The following MID1 variants were observed in gnomAD, a reference collection of about 807,000 sequenced individuals.
MID1 encodes the protein E3 ubiquitin-protein ligase Midline-1.
A neutral mutation model predicts 40.4 loss-of-function variants in MID1; 7 were observed. That is an observed-to-expected ratio of 0.17 (90% CI 0.10 to 0.33). The LOEUF is 0.33. Among genes scored for constraint, MID1 ranks in the 10% least tolerant of loss-of-function variants. The pLI, the probability that MID1 is intolerant of heterozygous loss-of-function variation, is 1.00. For synonymous variants in MID1, 229 were observed against 221.2 expected (o/e 1.04, Z -0.31); for missense variants, 367 against 558.5 (o/e 0.66, Z 3.46).
chrX:10,704,924 C>T (rs770699407), intron 1 of MID1, among the ~76,000 whole-genome samples: 17 of 108,411 alleles, frequency 1.6e-4, no homozygotes, highest in South Asian at 1.2e-3. Context: ...CCACCACGCC[C>T]GGCTAATTTT....
chrX:10,480,217 C>A (rs771099886), intron 5 of MID1, among the ~76,000 whole-genome samples: 1 of 112,459 alleles, frequency 8.9e-6, no homozygotes, highest in African/African-American at 3.2e-5. Context: ...AAATCAAAGT[C>A]ATGTTCCTGC....
At chrX:10,539,355 G>T (rs1460253601) in intron 2 of MID1, among the ~76,000 whole-genome samples, 1 of 111,559 alleles carries the variant, frequency 9.0e-6, no homozygotes, top group Non-Finnish European at 1.9e-5. Context: ...CTATAACAAA[G>T]CTCACCTCTG....
At chrX:10,738,643 A>G (rs2043502464) in intron 1 of MID1, among the ~76,000 whole-genome samples, 1 of 110,704 alleles carries the variant, frequency 9.0e-6, no homozygotes, top group Admixed American at 9.7e-5. Context: ...CAAAGAGAGG[A>G]AGGGAGAAAC....
At chrX:10,639,058 A>G (rs913608433) in intron 1 of MID1, among the ~76,000 whole-genome samples, 7 of 112,274 alleles carry the variant, frequency 6.2e-5, no homozygotes, top group Admixed American at 1.9e-4. Flanking sequence ...ATGGGGAGAA[A>G]CCAGAGCAGA....
chrX:10,832,516 G>A (rs963459612), intron 1 of MID1, among the ~76,000 whole-genome samples: 2 of 112,055 alleles, frequency 1.8e-5, no homozygotes, highest in Admixed American at 9.5e-5. Flanking sequence ...CCAAAACTCA[G>A]GATAAAGTCT....
At chrX:10,538,052 G>C (rs1342067631) in intron 2 of MID1, among the ~76,000 whole-genome samples, 1 of 111,448 alleles carries the variant, frequency 9.0e-6, no homozygotes, top group Non-Finnish European at 1.9e-5. Flanking sequence ...GCTCACTGCA[G>C]CCTTGACCTC....
At chrX:10,496,072 T>TAA (rs201452612) in intron 3 of MID1, among the ~76,000 whole-genome samples, 74 of 111,768 alleles carry the variant, frequency 6.6e-4, no homozygotes, top group African/African-American at 2.2e-3. Context: ...AAAAGTAAGT[T>TAA]AAAAAAAATC....
intron 2 of MID1, among the ~76,000 whole-genome samples, chrX:10,553,821 C>G (rs749503066): frequency 8.9e-6 from 1 of 111,969 alleles, no homozygotes; most frequent in South Asian, 3.8e-4. Flanking sequence ...GTCACCACTT[C>G]AAAGGGAACT....
intron 9 of MID1, among the ~76,000 whole-genome samples, chrX:10,450,224 G>T (rs1010424010): frequency 8.9e-6 from 1 of 112,053 alleles, no homozygotes; most frequent in African/African-American, 3.2e-5. Context: ...AGCTGCCTGT[G>T]GCTCATAGCT....
chrX:10,736,102 C>T (rs745648897), intron 1 of MID1, among the ~76,000 whole-genome samples: 1 of 111,828 alleles, frequency 8.9e-6, no homozygotes, highest in East Asian at 2.8e-4. Flanking sequence ...CCTTAGCCTC[C>T]CCAGTAGCTG....
intron 1 of MID1, among the ~76,000 whole-genome samples, chrX:10,692,205 C>G (rs927946593): frequency 2.7e-5 from 3 of 111,325 alleles, no homozygotes; most frequent in Non-Finnish European, 5.7e-5. Flanking sequence ...TACACCCCCT[C>G]CCCTTTCAAA....
intron 1 of MID1, among the ~76,000 whole-genome samples, chrX:10,729,739 T>G (rs2043427166): frequency 8.9e-6 from 1 of 112,144 alleles, no homozygotes; most frequent in Non-Finnish European, 1.9e-5. Flanking sequence ...AGAGTAGGAC[T>G]TCTTTCATTT....
At chrX:10,680,694 T>C (rs781671099) in intron 1 of MID1, among the ~76,000 whole-genome samples, 1 of 110,964 alleles carries the variant, frequency 9.0e-6, no homozygotes, top group African/African-American at 3.3e-5. Flanking sequence ...TTCCTTAAAA[T>C]ATTCATATCC....
intron 1 of MID1, among the ~76,000 whole-genome samples, chrX:10,642,940 T>C (rs1438682736): frequency 9.0e-6 from 1 of 111,100 alleles, no homozygotes; most frequent in South Asian, 3.8e-4. Context: ...ATAAATGGTG[T>C]TGGGAAAACT....
At position 10,637,137 on chromosome X, in the gene MID1, T is replaced by A. The variant is rs776374016; in HGVS notation, c.-186-16718A>T. Among the ~76,000 whole-genome samples the A allele has an allele frequency of 3.7e-5, 4 of 109,406 alleles. No homozygotes were observed. In the South Asian group the frequency reaches 1.6e-3, roughly 44 times the overall value. ...TATCATGTCCAAAAGAGTGCTGCAA[T>A]CTTCAGCTCCCTTTCTATGAGCATA... On this transcript the variant is annotated intron_variant, in intron 1 of 10. Coordinates refer to the MID1 transcript ENST00000380785.
intron 1 of MID1, among the ~76,000 whole-genome samples, chrX:10,697,580 A>T (rs913432009): frequency 1.8e-5 from 2 of 111,593 alleles, no homozygotes; most frequent in Non-Finnish European, 3.8e-5. Flanking sequence ...AAATATCTTT[A>T]CTCATGATTC....
chrX:10,469,271 T>A (rs1337428917), intron 7 of MID1: 2 of 789,315 alleles, frequency 2.5e-6, no homozygotes, highest in Admixed American at 1.2e-4. Flanking sequence ...TTTGTAGAGA[T>A]GGGGTTTCAC....
chrX:10,504,466 G>A (rs1931723760), intron 3 of MID1, among the ~76,000 whole-genome samples: 1 of 111,461 alleles, frequency 9.0e-6, no homozygotes, highest in Admixed American at 9.6e-5. Context: ...GATCACTATT[G>A]CTAACAAACT....
At chrX:10,653,777 T>A (rs2042850673) in intron 1 of MID1, among the ~76,000 whole-genome samples, 2 of 112,998 alleles carry the variant, frequency 1.8e-5, no homozygotes, top group African/African-American at 3.2e-5. Flanking sequence ...AAATCTATCA[T>A]CACTTTTGGA....
Sources: gnomAD v4.1 joint callset for allele counts (sites outside exome capture counted in the v4.1 genomes callset) on GRCh38, gnomAD v4.1.1 for gene constraint, MANE v1.5 for transcripts, NCBI Gene and HGNC (gene_info 2026-07-23, HGNC 2026-07-21) for gene names.